The following NCOA2 variants were observed in gnomAD, a reference collection of about 807,000 sequenced individuals.
The protein encoded by NCOA2 is class E basic helix-loop-helix protein 75.
In NCOA2, 21 loss-of-function variants were observed where a neutral mutation model predicts 145.1. That is an observed-to-expected ratio of 0.14 (90% confidence interval 0.10 to 0.21). NCOA2 has a LOEUF of 0.21. Ranked by LOEUF, NCOA2 falls within the 10% of genes least tolerant of loss-of-function variation. The probability of loss-of-function intolerance (pLI) is 1.00; values close to 1 mark genes in which losing one functional copy is unlikely to be tolerated. For synonymous variants in NCOA2, 619 were observed against 637.5 expected (o/e 0.97, Z 0.44); for missense variants, 1,472 against 1,837.6 (o/e 0.80, Z 3.64).
intron 2 of NCOA2, among the ~76,000 whole-genome samples, chr8:70,269,998 T>C (rs1586317609): frequency 1.3e-5 from 2 of 152,276 alleles, no homozygotes; most frequent in African/African-American, 4.8e-5. Context: ...TTGGGCAACA[T>C]AGACCTCAAC....
At chr8:70,205,526 A>T (rs1195433274) in intron 4 of NCOA2, among the ~76,000 whole-genome samples, 1 of 152,088 alleles carries the variant, frequency 6.6e-6, no homozygotes, top group Non-Finnish European at 1.5e-5. Context: ...CTGTCACTAT[A>T]CACTACAAAC....
the NCOA2 span, among the ~76,000 whole-genome samples, chr8:70,454,664 G>A: frequency 4.6e-5 from 7 of 152,012 alleles, no homozygotes; most frequent in Non-Finnish European, 1.0e-4. Flanking sequence ...TATCAAAACA[G>A]CACCATCACT....
intron 4 of NCOA2, among the ~76,000 whole-genome samples, chr8:70,203,593 TAAGA>T (rs933024244): frequency 1.3e-5 from 2 of 151,140 alleles, no homozygotes; most frequent in African/African-American, 2.4e-5. Flanking sequence ...AAAAAAGAAA[TAAGA>T]AAGAAAGAAA....
chr8:70,253,725 T>C (rs1340045308), intron 2 of NCOA2, among the ~76,000 whole-genome samples: 2 of 152,174 alleles, frequency 1.3e-5, no homozygotes, highest in African/African-American at 4.8e-5. Flanking sequence ...GCTGGAGCCT[T>C]ACCTTACGCA....
chr8:70,406,211 T>G (rs1298954504), upstream of NCOA2, among the ~76,000 whole-genome samples: 4 of 152,236 alleles, frequency 2.6e-5, no homozygotes, highest in African/African-American at 7.2e-5. Flanking sequence ...AATAATAGTA[T>G]CTATTCCGAT....
At chr8:70,339,040 T>C (rs1470380194) in intron 1 of NCOA2, among the ~76,000 whole-genome samples, 1 of 152,044 alleles carries the variant, frequency 6.6e-6, no homozygotes, top group Non-Finnish European at 1.5e-5. Context: ...AAGGATCCCC[T>C]CTCTCAACAT....
At chr8:70,188,667 C>T (rs1454405141) in intron 4 of NCOA2, among the ~76,000 whole-genome samples, 1 of 152,074 alleles carries the variant, frequency 6.6e-6, no homozygotes, top group Non-Finnish European at 1.5e-5. Context: ...AACCTGAAAT[C>T]ATTTCAGTCT....
At chr8:70,118,085 C>G (rs944548185) in intron 22 of NCOA2, among the ~76,000 whole-genome samples, 36 of 152,188 alleles carry the variant, frequency 2.4e-4, no homozygotes, top group African/African-American at 8.7e-4. Flanking sequence ...CTCGGGGCAC[C>G]TGCTCTGCTG....
the NCOA2 span, among the ~76,000 whole-genome samples, chr8:70,417,007 A>T: frequency 6.6e-6 from 1 of 152,152 alleles, no homozygotes; most frequent in Non-Finnish European, 1.5e-5. Context: ...AAGGAAAGAA[A>T]ACAAGATATT....
At chr8:70,309,903 G>C (rs1052300161) in intron 1 of NCOA2, among the ~76,000 whole-genome samples, 1 of 152,072 alleles carries the variant, frequency 6.6e-6, no homozygotes, top group Non-Finnish European at 1.5e-5. Context: ...GCAGTGAGCA[G>C]TGATCACGCC....
At chr8:70,235,458 A>C (rs1349768820) in intron 2 of NCOA2, among the ~76,000 whole-genome samples, 1 of 152,198 alleles carries the variant, frequency 6.6e-6, no homozygotes, top group Non-Finnish European at 1.5e-5. Flanking sequence ...CATAATAAAA[A>C]ATTTAAAAAA....
At chr8:70,382,491 G>C (rs909562739) in intron 1 of NCOA2, among the ~76,000 whole-genome samples, 2 of 152,184 alleles carry the variant, frequency 1.3e-5, no homozygotes, top group Admixed American at 1.3e-4. Flanking sequence ...AATATTCCAT[G>C]TTGGGAAAGT....
At chr8:70,143,355 C>T (rs899614186) in intron 13 of NCOA2, among the ~76,000 whole-genome samples, 2 of 152,148 alleles carry the variant, frequency 1.3e-5, no homozygotes, top group African/African-American at 4.8e-5. Flanking sequence ...TTCTCAAATT[C>T]CTGCAGAAGA....
At chr8:70,385,712 C>A (rs1312437055) in intron 1 of NCOA2, among the ~76,000 whole-genome samples, 3 of 152,226 alleles carry the variant, frequency 2.0e-5, no homozygotes, top group African/African-American at 7.2e-5. Context: ...CAGGCATGAG[C>A]CACTGCACCC....
intron 1 of NCOA2, among the ~76,000 whole-genome samples, chr8:70,365,182 A>C (rs954670074): frequency 6.6e-6 from 1 of 152,104 alleles, no homozygotes; most frequent in African/African-American, 2.4e-5. Flanking sequence ...AAAAATACAA[A>C]AATTAGTTGG....
At chr8:70,113,901 T>C (rs1235735553) in intron 22 of NCOA2, among the ~76,000 whole-genome samples, 3 of 152,274 alleles carry the variant, frequency 2.0e-5, no homozygotes, top group Admixed American at 6.5e-5. Context: ...CGTCTGCAAA[T>C]GGATGATGAA....
chr8:70,183,013 G>A (rs1815660567), intron 4 of NCOA2, among the ~76,000 whole-genome samples: 1 of 152,146 alleles, frequency 6.6e-6, no homozygotes, highest in South Asian at 2.1e-4. Context: ...TGATAATGGT[G>A]CATCTCTATT....
intron 1 of NCOA2, among the ~76,000 whole-genome samples, chr8:70,371,123 C>T (rs551540424): frequency 2.9e-4 from 44 of 151,996 alleles, no homozygotes; most frequent in African/African-American, 1.0e-3. Flanking sequence ...CCCGTCTCTA[C>T]TAAAAATACA....
chr8:70,186,710 T>C (rs140446134), intron 4 of NCOA2, among the ~76,000 whole-genome samples: 38 of 152,372 alleles, frequency 2.5e-4, no homozygotes, highest in African/African-American at 9.1e-4. Context: ...ATTTACAGTA[T>C]GTCTTATTGT....
Sources: gnomAD v4.1 joint callset for allele counts (sites outside exome capture counted in the v4.1 genomes callset) on GRCh38, gnomAD v4.1.1 for gene constraint, MANE v1.5 for transcripts, NCBI Gene and HGNC (gene_info 2026-07-23, HGNC 2026-07-21) for gene names.